Variants in KCNH7 observed in about 807,000 individuals in gnomAD.
The protein encoded by KCNH7 is voltage-gated inwardly rectifying potassium channel KCNH7.
A neutral mutation model predicts 120.8 loss-of-function variants in KCNH7; 49 were observed. The ratio of observed to expected loss-of-function variants is 0.41; its 90% CI spans 0.32 to 0.51. The LOEUF (loss-of-function observed/expected upper bound fraction) is 0.51. Ranked by LOEUF, KCNH7 falls within the 20% of genes least tolerant of loss-of-function variation. The pLI, the probability that KCNH7 is intolerant of heterozygous loss-of-function variation, is 0.38. For synonymous variants in KCNH7, 547 were observed against 516.1 expected (o/e 1.06, Z -0.81); for missense variants, 1,097 against 1,446.6 (o/e 0.76, Z 3.92).
At chr2:162,667,012 CTTTTTCTTTTTTT>C (rs1685155382) in intron 2 of KCNH7, among the ~76,000 whole-genome samples, 1 of 136,042 alleles carries the variant, frequency 7.4e-6, no homozygotes, top group Admixed American at 7.1e-5. Context: ...ATTCTTTTTT[CTTTTTCTTTTTTT>C]TTTTTTTTTT....
At chr2:162,579,677 G>T (rs1355323414) in intron 2 of KCNH7, among the ~76,000 whole-genome samples, 1 of 151,944 alleles carries the variant, frequency 6.6e-6, no homozygotes, top group Non-Finnish European at 1.5e-5. Context: ...TATTGAACAG[G>T]GTGGGCACTT....
chr2:162,578,133 T>C (rs1490549243), intron 2 of KCNH7, among the ~76,000 whole-genome samples: 5 of 151,964 alleles, frequency 3.3e-5, no homozygotes, highest in Non-Finnish European at 5.9e-5. Context: ...GTGCCCTTAG[T>C]GATTTGGGAT....
At chr2:162,462,832 GT>G (rs1050953785) in intron 6 of KCNH7, among the ~76,000 whole-genome samples, 1 of 151,908 alleles carries the variant, frequency 6.6e-6, no homozygotes, top group African/African-American at 2.4e-5. Context: ...ATTCCACAAT[GT>G]TTACGTATTT....
intron 2 of KCNH7, among the ~76,000 whole-genome samples, chr2:162,708,816 A>G (rs541118487): frequency 6.6e-6 from 1 of 152,200 alleles, no homozygotes; most frequent in African/African-American, 2.4e-5. Flanking sequence ...TAGATGTCAT[A>G]GAGACGGGGA....
At chr2:162,426,405 A>G (rs564790039) in intron 8 of KCNH7, among the ~76,000 whole-genome samples, 1 of 152,284 alleles carries the variant, frequency 6.6e-6, no homozygotes, top group African/African-American at 2.4e-5. Flanking sequence ...TTGATGCCCA[A>G]CTGGCAAAAA....
intron 6 of KCNH7, among the ~76,000 whole-genome samples, chr2:162,475,240 T>C (rs1261649202): frequency 6.6e-6 from 1 of 152,214 alleles, no homozygotes; most frequent in Admixed American, 6.5e-5. Context: ...AGAATACTAC[T>C]TAAAAGAATT....
chr2:162,446,513 T>G, intron 6 of KCNH7, 70 bp from the exon 7 acceptor site: 1 of 1,118,156 alleles, frequency 8.9e-7, no homozygotes, highest in Non-Finnish European at 1.3e-6. Context: ...CTATCAAATA[T>G]TAAGGGAACT....
chr2:162,587,965 G>C (rs1694072941), intron 2 of KCNH7, among the ~76,000 whole-genome samples: 1 of 152,038 alleles, frequency 6.6e-6, no homozygotes, highest in South Asian at 2.1e-4. Context: ...CATTTCCCAG[G>C]AAACAGCCTT....
At chr2:162,677,641 C>G (rs1361343891) in intron 2 of KCNH7, among the ~76,000 whole-genome samples, 1 of 151,384 alleles carries the variant, frequency 6.6e-6, no homozygotes, top group Non-Finnish European at 1.5e-5. Flanking sequence ...TATATAAACA[C>G]TCTTGTAGTT....
At chr2:162,462,284 G>C (rs1025447236) in intron 6 of KCNH7, among the ~76,000 whole-genome samples, 1 of 152,064 alleles carries the variant, frequency 6.6e-6, no homozygotes, top group African/African-American at 2.4e-5. Flanking sequence ...CGACCATGGT[G>C]TATTGTCCTG....
intron 12 of KCNH7, among the ~76,000 whole-genome samples, chr2:162,391,673 G>A (rs1305430516): frequency 1.3e-5 from 2 of 152,012 alleles, no homozygotes; most frequent in Admixed American, 6.6e-5. Flanking sequence ...TTGTGACATT[G>A]CTCTCAGGGC....
intron 2 of KCNH7, among the ~76,000 whole-genome samples, chr2:162,790,842 AG>A (rs1683911566): frequency 6.6e-6 from 1 of 152,162 alleles, no homozygotes; most frequent in South Asian, 2.1e-4. Flanking sequence ...AACATTAAAA[AG>A]GCCATATATA....
chr2:162,414,630 T>C (rs1687487294), intron 9 of KCNH7, among the ~76,000 whole-genome samples: 1 of 151,954 alleles, frequency 6.6e-6, no homozygotes, highest in Non-Finnish European at 1.5e-5. Flanking sequence ...AATATGTATA[T>C]ATGTCTGTAT....
intron 9 of KCNH7, among the ~76,000 whole-genome samples, chr2:162,415,546 ATACTT>A (rs1330580908): frequency 3.9e-5 from 6 of 152,162 alleles, no homozygotes; most frequent in Admixed American, 2.0e-4. Flanking sequence ...CAATGATTCT[ATACTT>A]TAATTTGAAA....
chr2:162,582,681 C>T (rs1693915103), intron 2 of KCNH7, among the ~76,000 whole-genome samples: 1 of 151,972 alleles, frequency 6.6e-6, no homozygotes, highest in African/African-American at 2.4e-5. Context: ...GATAAGGTCA[C>T]ATTATCTTTA....
rs1356753578 is a variant in KCNH7, at chr2:162,517,679, C to T, written c.892+51G>A. Reference sequence around the variant, plus strand: ...AAATTTCAAACAATATGCAAATAATCATTTATTACCCATTAATATATGTTT... The same window carrying T: ...AAATTTCAAACAATATGCAAATAATTATTTATTACCCATTAATATATGTTT... On this transcript the variant is annotated intron_variant, in intron 4 of 15. Coordinates refer to ENST00000332142, the MANE Select transcript of KCNH7 (RefSeq NM_033272.4). 8 of 1,353,744 alleles carry T rather than the reference C, an allele frequency of 5.9e-6. No individual in the cohort carries two copies. In the African/African-American group the frequency reaches 1.0e-4, roughly 17 times the overall value. The allele number at this position is 1,353,744 out of a possible 1,614,324, so 83.9% of individuals were successfully genotyped here.
At chr2:162,725,676 T>C (rs533694369) in intron 2 of KCNH7, among the ~76,000 whole-genome samples, 5 of 152,324 alleles carry the variant, frequency 3.3e-5, no homozygotes, top group African/African-American at 1.2e-4. Flanking sequence ...CACTCCTATC[T>C]AGGTCTTGTC....
chr2:162,595,143 T>C (rs993733183), intron 2 of KCNH7, among the ~76,000 whole-genome samples: 22 of 152,102 alleles, frequency 1.4e-4, no homozygotes, highest in African/African-American at 4.6e-4. Flanking sequence ...AGAAGTTACT[T>C]GGTGGGGAGG....
At chr2:162,502,796 C>G (rs1321832570) in intron 6 of KCNH7, among the ~76,000 whole-genome samples, 2 of 152,044 alleles carry the variant, frequency 1.3e-5, no homozygotes, top group African/African-American at 4.8e-5. Context: ...TCTCCTGGCA[C>G]AGTGGATCTG....
Sources: allele counts gnomAD v4.1 joint callset (sites outside exome capture counted in the v4.1 genomes callset), GRCh38; gene constraint gnomAD v4.1.1; transcripts MANE v1.5; gene names NCBI Gene and HGNC (gene_info 2026-07-23, HGNC 2026-07-21).